The following IQGAP2 variants were observed in gnomAD, a reference collection of about 807,000 sequenced individuals.
IQGAP2 encodes the protein ras GTPase-activating-like protein IQGAP2.
A neutral mutation model predicts 201.3 loss-of-function variants in IQGAP2; 173 were observed. The ratio of observed to expected loss-of-function variants is 0.86; its 90% CI spans 0.76 to 0.98. The LOEUF is 0.98. IQGAP2 is among the 50% of genes least tolerant of loss of function. The probability of loss-of-function intolerance (pLI) is 0.00; values close to 1 mark genes in which losing one functional copy is unlikely to be tolerated. For synonymous variants in IQGAP2, 675 were observed against 673.9 expected (o/e 1.00, Z -0.03); for missense variants, 1,687 against 1,864.8 (o/e 0.90, Z 1.76).
At chr5:76,637,255 GTGA>G in intron 16 of IQGAP2, 79 bp downstream of exon 16, 1 of 1,164,624 alleles carries the variant, frequency 8.6e-7, no homozygotes, top group South Asian at 1.6e-5. Context: ...AATCATGGAA[GTGA>G]TGAGAGGAAC....
intron 2 of IQGAP2, among the ~76,000 whole-genome samples, chr5:76,479,615 C>G (rs1755656764): frequency 6.6e-6 from 1 of 152,158 alleles, no homozygotes; most frequent in African/African-American, 2.4e-5. Context: ...GATAGTTTGT[C>G]TAGCAGCTGC....
chr5:76,555,489 T>C (rs1179336820), intron 2 of IQGAP2, among the ~76,000 whole-genome samples: 1 of 152,212 alleles, frequency 6.6e-6, no homozygotes, highest in Non-Finnish European at 1.5e-5. Context: ...TGTCTCTCCA[T>C]TGTGATTGTT....
At chr5:76,547,168 T>C (rs1253552122) in intron 2 of IQGAP2, among the ~76,000 whole-genome samples, 3 of 152,198 alleles carry the variant, frequency 2.0e-5, no homozygotes, top group Non-Finnish European at 4.4e-5. Context: ...TCCTTTAGGC[T>C]GTAGAGGAAT....
chr5:76,539,985 G>A (rs139880644), intron 2 of IQGAP2, among the ~76,000 whole-genome samples: 4 of 152,342 alleles, frequency 2.6e-5, no homozygotes, highest in Admixed American at 1.3e-4. Context: ...GATTTGATCA[G>A]TAGGCTTAAA....
chr5:76,659,292 A>G (rs537685962), intron 21 of IQGAP2, among the ~76,000 whole-genome samples: 1 of 152,340 alleles, frequency 6.6e-6, no homozygotes, highest in East Asian at 1.9e-4. Flanking sequence ...TGAATACAAA[A>G]GAGATATTTA....
intron 13 of IQGAP2, chr5:76,618,063 C>G (rs1289826196): frequency 5.0e-6 from 8 of 1,613,946 alleles, no homozygotes; most frequent in Non-Finnish European, 5.9e-6. Flanking sequence ...CCACACCAGT[C>G]CACATGTTAC....
At chr5:76,692,186 CTG>C (rs1308548065) in intron 30 of IQGAP2, among the ~76,000 whole-genome samples, 2 of 152,218 alleles carry the variant, frequency 1.3e-5, no homozygotes, top group Admixed American at 1.3e-4. Flanking sequence ...GTATCTCACT[CTG>C]TCACCCAGGC....
At chr5:76,489,991 A>G (rs1195659389) in intron 2 of IQGAP2, among the ~76,000 whole-genome samples, 1 of 152,190 alleles carries the variant, frequency 6.6e-6, no homozygotes, top group Non-Finnish European at 1.5e-5. Context: ...AGCCCTTGAC[A>G]CAGTATGTGA....
At chr5:76,688,068 A>G (rs1745943920) in intron 30 of IQGAP2, among the ~76,000 whole-genome samples, 1 of 152,160 alleles carries the variant, frequency 6.6e-6, no homozygotes, top group Non-Finnish European at 1.5e-5. Flanking sequence ...CACTCTCATC[A>G]GGATGACTTT....
At position 76,528,790 on chromosome 5, in the gene IQGAP2, C is replaced by A. The variant is rs1463932443; in HGVS notation, c.147-33606C>A. On this transcript the variant is annotated intron_variant, in intron 2 of 35. Transcript: ENST00000274364. ...GCATGCCATTTAGACTCTAGGGACA[C>A]CTTGCAAAGTTCTTGCTTTTTACTT... is the stretch of plus-strand genomic sequence containing the variant. Among the ~76,000 whole-genome samples, 6 of 152,186 alleles carry A rather than the reference C, an allele frequency of 3.9e-5. No homozygotes were observed. In the East Asian group the frequency reaches 1.2e-3, roughly 29 times the overall value.
chr5:76,691,726 G>A (rs752335069), intron 30 of IQGAP2: 6 of 152,220 alleles, frequency 3.9e-5, no homozygotes, highest in Admixed American at 6.5e-5. Flanking sequence ...AGGGGGAAGG[G>A]AGGCAAGGAA....
intron 13 of IQGAP2, among the ~76,000 whole-genome samples, chr5:76,624,726 G>T (rs1750059330): frequency 6.6e-6 from 1 of 152,258 alleles, no homozygotes; most frequent in African/African-American, 2.4e-5. Context: ...TGAAGTGGAG[G>T]TGTGGCCGTC....
rs1200311978 is a variant in IQGAP2, at chr5:76,416,531, CT to C, written c.46+12952del. Among the ~76,000 whole-genome samples, 565 of 143,666 alleles carry C rather than the reference CT, an allele frequency of 3.9e-3. 1 individual carries two copies. The highest frequency in any genetic ancestry group is 1.0e-2 in the South Asian group (46 of 4,612). The allele number at this position is 143,666 out of a possible 152,430, so 94.3% of individuals were successfully genotyped here. ...TGATATTGGGTATAAGTTCTTTGAG[CT>C]TTTTTTTTTTTGAGACGGAGTCTCA... On this transcript the variant is annotated intron_variant, in intron 1 of 35. Coordinates refer to ENST00000274364, the MANE Select transcript of IQGAP2 (RefSeq NM_006633.5).
intron 17 of IQGAP2, among the ~76,000 whole-genome samples, chr5:76,652,315 G>A (rs1440158385): frequency 1.3e-5 from 2 of 152,176 alleles, no homozygotes; most frequent in African/African-American, 4.8e-5. Context: ...TTTCCAGTCG[G>A]GGCCACAGTG....
chr5:76,524,022 C>T (rs1033756444), intron 2 of IQGAP2, among the ~76,000 whole-genome samples: 6 of 152,132 alleles, frequency 3.9e-5, no homozygotes, highest in African/African-American at 1.4e-4. Context: ...AACCTGTACA[C>T]AGCTGATCTC....
chr5:76,534,384 A>G (rs116450015), intron 2 of IQGAP2, among the ~76,000 whole-genome samples: 1,604 of 152,298 alleles, frequency 0.011, 11 homozygotes, highest in Middle Eastern at 0.027. Flanking sequence ...ACATCCTTTG[A>G]CCGGTTTTAC....
intron 2 of IQGAP2, among the ~76,000 whole-genome samples, chr5:76,469,346 A>T (rs560122442): frequency 3.3e-4 from 50 of 152,288 alleles, no homozygotes; most frequent in Non-Finnish European, 5.4e-4. Flanking sequence ...TATTGCTCAA[A>T]CTTTATAAAA....
rs1240980595 is a variant in IQGAP2 at position 76,666,601 on chromosome 5, C to T, written c.2679+1426C>T. ...TGTACAACCAAAGGGTGCAACCATT[C>T]AGTTGTATCAAGTGAACTCTCTCTT... On this transcript the variant is annotated intron_variant, in intron 22 of 35. Transcript: ENST00000274364. 3.3e-5 allele frequency among the ~76,000 whole-genome samples: 5 copies of T among 152,244 alleles called. No homozygotes were observed. In the East Asian group the frequency reaches 7.7e-4, roughly 23 times the overall value.
intron 1 of IQGAP2, among the ~76,000 whole-genome samples, chr5:76,437,215 C>A (rs1752758136): frequency 6.6e-6 from 1 of 152,022 alleles, no homozygotes; most frequent in Non-Finnish European, 1.5e-5. Flanking sequence ...CCATGCCCAG[C>A]TAATTTTTTA....
Sources: gnomAD v4.1 joint callset for allele counts (sites outside exome capture counted in the v4.1 genomes callset) on GRCh38, gnomAD v4.1.1 for gene constraint, MANE v1.5 for transcripts, NCBI Gene and HGNC (gene_info 2026-07-23, HGNC 2026-07-21) for gene names.